Variants in TPRG1 observed in about 807,000 individuals in gnomAD.
TPRG1 encodes the protein tumor protein p63 regulated 1, also known as tumor protein p63-regulated gene 1 protein.
TPRG1 carries 29 observed loss-of-function variants against 29.3 expected under a neutral mutation model. That is an observed-to-expected ratio of 0.99 (90% CI 0.74 to 1.35). The LOEUF is 1.35. Among genes scored for constraint, TPRG1 ranks in the 40% most tolerant of loss-of-function variants. The probability of loss-of-function intolerance (pLI) is 0.00; values close to 1 mark genes in which losing one functional copy is unlikely to be tolerated. For missense variants in TPRG1, 327 were observed against 335.0 expected (o/e 0.98, Z 0.19); for synonymous variants, 130 against 116.8 (o/e 1.11, Z -0.73).
chr3:189,274,683 G>A (rs1001341088), intron 4 of TPRG1, among the ~76,000 whole-genome samples: 1 of 151,974 alleles, frequency 6.6e-6, no homozygotes, highest in African/African-American at 2.4e-5. Flanking sequence ...ATAATCTCCA[G>A]GATTTGCTAC....
At position 189,114,143 on chromosome 3, in the gene TPRG1, G is replaced by A. The variant is rs76525955; in HGVS notation, c.-743-12914G>A. 2.7e-3 allele frequency among the ~76,000 whole-genome samples: 407 copies of A among 152,202 alleles called. 4 individuals are homozygous for A. The highest frequency in any genetic ancestry group is 9.5e-3 in the African/African-American group (393 of 41,514). ...TCTATGAAGATAATTTTATTGTGGG[G>A]TGTTTTGAGGATAACTAGTGAATGC... On this transcript the variant is annotated intron_variant, in intron 1 of 6. Transcript: ENST00000412373.
At chr3:189,301,804 G>A (rs1382683052) in intron 4 of TPRG1, among the ~76,000 whole-genome samples, 1 of 152,162 alleles carries the variant, frequency 6.6e-6, no homozygotes, top group East Asian at 1.9e-4. Context: ...GGCAATTAGA[G>A]ACAAATTTTT....
intron 5 of TPRG1, among the ~76,000 whole-genome samples, chr3:189,155,482 G>A (rs1483157111): frequency 2.0e-5 from 3 of 151,914 alleles, no homozygotes; most frequent in Non-Finnish European, 4.4e-5. Context: ...TATCCATGTG[G>A]TCCCTATATA....
intron 4 of TPRG1, among the ~76,000 whole-genome samples, chr3:189,078,754 A>G (rs1717391186): frequency 6.6e-6 from 1 of 152,190 alleles, no homozygotes; most frequent in Non-Finnish European, 1.5e-5. Flanking sequence ...TGGCTCCACC[A>G]CACACTAGCT....
intron 1 of TPRG1, among the ~76,000 whole-genome samples, chr3:189,187,366 A>G (rs9849443): frequency 0.36 from 54,867 of 151,332 alleles, 10,007 homozygotes; most frequent in South Asian, 0.52. Flanking sequence ...GAGTGCAGTG[A>G]CACGGTATTG....
At chr3:189,158,983 C>T (rs1322720599) in intron 5 of TPRG1, among the ~76,000 whole-genome samples, 1 of 147,538 alleles carries the variant, frequency 6.8e-6, no homozygotes, top group Non-Finnish European at 1.5e-5. Flanking sequence ...AGGCAATTTT[C>T]CTCTTAAGAG....
At position 189,008,067 on chromosome 3, in the gene TPRG1, A is replaced by AG. The variant is rs913547203; in HGVS notation, c.-660+3307_-660+3308insG. Among the ~76,000 whole-genome samples, 43 of 84,568 alleles carry AG rather than the reference A, an allele frequency of 5.1e-4. No homozygotes were observed. The East Asian group carries it at 0.012, about 23-fold the overall frequency. The allele number at this position is 84,568 out of a possible 152,430, so 55.5% of individuals were successfully genotyped here. A position where few individuals can be genotyped will look rare whatever the true frequency, so the allele number is the denominator to read the frequency against. On this transcript the variant is annotated intron_variant, in intron 3 of 10. Transcript: ENST00000433971. ...TATAATAAAAAAAGAAAAGAAAGAA[A>AG]AAAAAAAAAACGTTCTAGAAAAAAA...
rs151021584 is a variant in TPRG1, at chr3:189,027,192, G to C, written c.-463+3246G>C. Among the ~76,000 whole-genome samples, 56 of 152,272 alleles carry C rather than the reference G, an allele frequency of 3.7e-4. 2 individuals carry two copies. Among genetic ancestry groups the C allele is most frequent in the African/African-American group, 9.6e-4 (40 of 41,562 alleles). ...CCAACCTTAAAATAAGAGTTTTTCAGTTAATAACTTCTGTGGTGTCTACTA... is the reference window on the plus strand; with the variant it reads ...CCAACCTTAAAATAAGAGTTTTTCACTTAATAACTTCTGTGGTGTCTACTA... On this transcript the variant is annotated intron_variant, in intron 4 of 10. Transcript: ENST00000433971.
chr3:189,017,761 G>A (rs1384389416), intron 3 of TPRG1, among the ~76,000 whole-genome samples: 5 of 152,078 alleles, frequency 3.3e-5, no homozygotes, highest in Admixed American at 6.6e-5. Context: ...GGGATGGCTG[G>A]GTCAAATGGT....
At chr3:189,058,561 G>A (rs1382086154) in intron 4 of TPRG1, among the ~76,000 whole-genome samples, 11 of 152,152 alleles carry the variant, frequency 7.2e-5, no homozygotes, top group African/African-American at 2.2e-4. Context: ...CAAGGGATTC[G>A]GAAAAGTCAA....
intron 3 of TPRG1, among the ~76,000 whole-genome samples, chr3:189,234,612 C>T (rs1021088426): frequency 1.2e-4 from 19 of 152,116 alleles, no homozygotes; most frequent in Non-Finnish European, 2.9e-5. Flanking sequence ...AGTCGGGTTC[C>T]CCAAACAGCA....
chr3:189,074,199 CTTTTTTT>C (rs554150288), intron 4 of TPRG1, among the ~76,000 whole-genome samples: 98 of 68,094 alleles, frequency 1.4e-3, no homozygotes, highest in East Asian at 0.011. Flanking sequence ...AATTATTTTC[CTTTTTTT>C]TTTTTTTTTT....
intron 1 of TPRG1, among the ~76,000 whole-genome samples, chr3:189,192,522 A>C (rs1420514664): frequency 6.6e-6 from 1 of 152,216 alleles, no homozygotes; most frequent in Non-Finnish European, 1.5e-5. Flanking sequence ...GTAGGCAAAA[A>C]TTGAAAAGAG....
intron 3 of TPRG1, among the ~76,000 whole-genome samples, chr3:189,010,621 A>G (rs61406086): frequency 0.039 from 5,857 of 152,104 alleles, 370 homozygotes; most frequent in African/African-American, 0.13. Context: ...CCACTTTTTA[A>G]TGGGGTTGTT....
At chr3:189,078,091 C>T (rs767039334) in intron 4 of TPRG1, among the ~76,000 whole-genome samples, 265 of 85,092 alleles carry the variant, frequency 3.1e-3, no homozygotes, top group African/African-American at 0.01. Flanking sequence ...CTCTCTTTCT[C>T]TCTTTCTTTC....
At chr3:189,212,704 G>C (rs1735462055) in intron 2 of TPRG1, among the ~76,000 whole-genome samples, 1 of 152,068 alleles carries the variant, frequency 6.6e-6, no homozygotes, top group African/African-American at 2.4e-5. Flanking sequence ...TACTTTATGT[G>C]TTCATTGCAA....
At chr3:189,236,237 CT>C (rs1483111076) in intron 3 of TPRG1, among the ~76,000 whole-genome samples, 2 of 152,098 alleles carry the variant, frequency 1.3e-5, no homozygotes, top group East Asian at 1.9e-4. Flanking sequence ...AAGAATCCTC[CT>C]TTTTTTCTGA....
At chr3:189,196,339 G>C (rs73184443) in intron 1 of TPRG1, among the ~76,000 whole-genome samples, 1 of 152,062 alleles carries the variant, frequency 6.6e-6, no homozygotes. Context: ...TCTTGACTTC[G>C]GTAATTATTT....
At chr3:189,215,577 G>C (rs1204605563) in intron 3 of TPRG1, among the ~76,000 whole-genome samples, 194 bp downstream of exon 3, 2 of 152,130 alleles carry the variant, frequency 1.3e-5, no homozygotes, top group African/African-American at 4.8e-5. Context: ...TCCTATACCT[G>C]TTTTCTGGGC....
Sources: allele counts gnomAD v4.1 joint callset (sites outside exome capture counted in the v4.1 genomes callset), GRCh38; gene constraint gnomAD v4.1.1; transcripts MANE v1.5; gene names NCBI Gene and HGNC (gene_info 2026-07-23, HGNC 2026-07-21).